DMXL1: variants seen among roughly 807,000 people sequenced by gnomAD.
The protein encoded by DMXL1 is dmX-like protein 1.
In DMXL1, 99 loss-of-function variants were observed where a neutral mutation model predicts 319.2. That is an observed-to-expected ratio of 0.31 (90% CI 0.26 to 0.37). The LOEUF (loss-of-function observed/expected upper bound fraction) is 0.37, where lower values mean the gene tolerates loss of function less well. DMXL1 is among the 10% of genes least tolerant of loss of function. DMXL1 has a pLI of 1.00. For synonymous variants in DMXL1, 1,385 were observed against 1,235.2 expected (o/e 1.12, Z -2.54); for missense variants, 3,745 against 3,595.6 (o/e 1.04, Z -1.06).
At chr5:119,152,141 T>C (rs1769941413) in intron 19 of DMXL1, 105 bp downstream of exon 19, 2 of 665,178 alleles carry the variant, frequency 3.0e-6, no homozygotes, top group Non-Finnish European at 5.1e-6. Context: ...TGATGACATA[T>C]TTAACATATT....
At chr5:119,116,060 A>T in intron 6 of DMXL1, 98 bp from the exon 7 acceptor site, 1 of 1,133,770 alleles carries the variant, frequency 8.8e-7, no homozygotes. Flanking sequence ...CCCATCCCCA[A>T]GTTCTTGCCA....
intron 19 of DMXL1, among the ~76,000 whole-genome samples, chr5:119,160,730 A>G (rs1431953127): frequency 3.3e-5 from 5 of 152,114 alleles, no homozygotes; most frequent in Non-Finnish European, 5.9e-5. Context: ...AATTATTAAT[A>G]TCCTCTGGAT....
At chr5:119,232,544 T>C (rs1264194661) in intron 38 of DMXL1, among the ~76,000 whole-genome samples, 3 of 152,178 alleles carry the variant, frequency 2.0e-5, no homozygotes, top group Admixed American at 6.6e-5. Flanking sequence ...CTCACAACTG[T>C]CCAGTGACTT....
chr5:119,140,072 A>G (rs750568372), intron 13 of DMXL1, among the ~76,000 whole-genome samples: 5 of 152,318 alleles, frequency 3.3e-5, no homozygotes, highest in Admixed American at 1.3e-4. Flanking sequence ...TCTGAAAGTA[A>G]TGGGAATAAA....
intron 13 of DMXL1, among the ~76,000 whole-genome samples, chr5:119,134,947 C>T (rs368521955): frequency 6.6e-6 from 1 of 152,196 alleles, no homozygotes; most frequent in East Asian, 1.9e-4. Context: ...CTTTTGGTAT[C>T]CCCAGAGGCA....
In DMXL1 at chr5:119,133,639, C is replaced by T. The variant is rs1580922263; in HGVS notation, c.1715C>T (p.Ser572Phe). ...CAAAAACCTTCTGGCCTCACCCGTTCCACATCAATGCTTATTTCTTCTGGT... is the reference window on the plus strand; with the variant it reads ...CAAAAACCTTCTGGCCTCACCCGTTTCACATCAATGCTTATTTCTTCTGGT... ...GKQKPSGLTR[S>F]TSMLISSGHN... The change falls in exon 12 of 44, where the codon TCC (serine) becomes TTC (phenylalanine). Residue 572 changes from serine (S) to phenylalanine (F), a missense_variant. By Grantham distance (155) the Ser-to-Phe change is radical (BLOSUM62 -2). Around this residue, in one of 4 missense-constraint regions of DMXL1, gnomAD observed 2,096 missense variants for 1,985.4 expected, o/e 1.06. Coordinates refer to ENST00000539542, the MANE Select transcript of DMXL1 (RefSeq NM_001290321.3). The T allele has an allele frequency of 6.2e-7, 1 of 1,614,154 alleles. No homozygotes were observed.
intron 42 of DMXL1, among the ~76,000 whole-genome samples, chr5:119,242,586 C>A (rs1333244915): frequency 6.6e-6 from 1 of 152,150 alleles, no homozygotes; most frequent in African/African-American, 2.4e-5. Flanking sequence ...TTCCAGCATG[C>A]TACTTTGCAG....
In DMXL1 at chr5:119,197,868, G is replaced by A. The variant is rs763473560; in HGVS notation, c.7657G>A (p.Ala2553Thr). ...TGGTGGGCCACCTCAAAATTATATC[G>A]CAAGTCATACCGCCGAAGAGAGTTT... ...IHGGPPQNYI[A>T]SHTAEESLSA... is the part of the protein sequence containing the mutation. The change falls in exon 32 of 44, where the codon GCA (alanine) becomes ACA (threonine). Residue 2553 changes from alanine to threonine, a missense_variant. Physicochemically the swap from Ala to Thr is moderately conservative, Grantham distance 58 (BLOSUM62 0). Coordinates refer to ENST00000539542, the MANE Select transcript of DMXL1 (RefSeq NM_001290321.3). The A allele has an allele frequency of 6.8e-6, 11 of 1,613,974 alleles. No individual in the cohort carries two copies. The highest frequency in any genetic ancestry group is 2.2e-5 in the East Asian group (1 of 44,896).
intron 32 of DMXL1, among the ~76,000 whole-genome samples, chr5:119,198,274 C>G (rs925186548): frequency 6.6e-6 from 1 of 152,214 alleles, no homozygotes; most frequent in African/African-American, 2.4e-5. Flanking sequence ...CAGGCGTGAG[C>G]CACCGCACCT....
intron 19 of DMXL1, among the ~76,000 whole-genome samples, chr5:119,163,003 T>C (rs926488576): frequency 2.4e-4 from 36 of 152,174 alleles, no homozygotes; most frequent in Admixed American, 2.2e-3. Flanking sequence ...TACCTAGTAA[T>C]GCTAAACAAA....
chr5:119,104,268 A>G (rs1385001445), intron 3 of DMXL1: 1 of 152,102 alleles, frequency 6.6e-6, no homozygotes, highest in East Asian at 1.9e-4. Flanking sequence ...TGTTCTAGAG[A>G]GGGTTCTGGT....
rs35682583 is a variant in DMXL1 at position 119,131,003 on chromosome 5, C to CTT, written c.1315+1593_1315+1594dup. Among the ~76,000 whole-genome samples, 4 of 142,322 alleles carry CTT rather than the reference C, an allele frequency of 2.8e-5. No homozygotes were observed. In the South Asian group the frequency reaches 6.6e-4, roughly 24 times the overall value. 93.4% of individuals were successfully genotyped at this position (142,322 alleles called of 152,430 possible). ...AACATTGGATGTTTTCATTATATTA[C>CTT]TTTTTTTTTTTTTTGCCAGTTGATA... On this transcript the variant is annotated intron_variant, in intron 10 of 43. Coordinates refer to ENST00000539542, the MANE Select transcript of DMXL1 (RefSeq NM_001290321.3).
At chr5:119,223,817 A>G (rs1785065330) in intron 37 of DMXL1, among the ~76,000 whole-genome samples, 1 of 152,196 alleles carries the variant, frequency 6.6e-6, no homozygotes, top group Non-Finnish European at 1.5e-5. Context: ...AGGAACCTTC[A>G]GGCATTTCTT....
chr5:119,163,811 G>A (rs1581103193), intron 19 of DMXL1, among the ~76,000 whole-genome samples: 3 of 152,190 alleles, frequency 2.0e-5, no homozygotes, highest in Middle Eastern at 3.4e-3. Flanking sequence ...TCCTGACCTC[G>A]TGATCCGCCC....
In DMXL1 at chr5:119,147,251, GA is replaced by G; in HGVS notation, c.2697del (p.Val900Ter). On this transcript the variant is annotated frameshift_variant, in exon 17 of 44. Coordinates refer to ENST00000539542, the MANE Select transcript of DMXL1 (RefSeq NM_001290321.3). LOFTEE classifies it high-confidence loss of function. ...HLKSIPVSLD[E>X]KVDTKLSEAV... is the part of the protein sequence containing the mutation. The stretch of plus-strand genomic sequence containing the variant: ...GGTTCTTTTCTTATGTTTTGTAGAT[GA>G]AAAAGTAGATACAAAATTATCCGAA... 1 of 1,610,820 alleles carries G rather than the reference GA, an allele frequency of 6.2e-7. No individual in the cohort carries two copies. The highest frequency in any genetic ancestry group is 8.5e-7 in the Non-Finnish European group (1 of 1,177,932).
At position 119,133,578 on chromosome 5, in the gene DMXL1, A is replaced by G; in HGVS notation, c.1654A>G (p.Thr552Ala). 1 of 1,614,186 alleles carries G rather than the reference A, an allele frequency of 6.2e-7. No homozygotes were observed. The highest frequency in any genetic ancestry group is 8.5e-7 in the Non-Finnish European group (1 of 1,180,024). ...LCKSIMMYAC[T>A]KNVDLAIQQG... ...TAAAAGCATAATGATGTATGCCTGT[A>G]CCAAGAATGTTGACTTGGCTATTCA... Residue 552 changes from threonine (T) to alanine (A), a missense_variant, in exon 12 of 44, where the codon ACC (threonine) becomes GCC (alanine). Thr to Ala is a moderately conservative substitution (Grantham distance 58, BLOSUM62 0). Transcript: ENST00000539542.
Position 119,149,487 on chromosome 5 carries a change from G to A in DMXL1, c.3660G>A (p.Ser1220=), listed in dbSNP as rs765122441. The A allele has an allele frequency of 4.3e-6, 7 of 1,613,862 alleles. No individual in the cohort carries two copies. In the African/African-American group the frequency reaches 5.3e-5, roughly 12 times the overall value. ...DGSPPFPVSL[S]WVRDGILVVG... The stretch of plus-strand genomic sequence containing the variant: ...CCCCACCTTTTCCTGTTTCTTTATC[G>A]TGGGTCCGGGATGGCATCCTTGTGG... Residue 1220 remains serine (S), a synonymous_variant, in exon 18 of 44, where the codon TCG becomes TCA. Transcript: ENST00000539542.
chr5:119,092,734 T>C (rs1278567025), intron 1 of DMXL1, among the ~76,000 whole-genome samples: 1 of 152,198 alleles, frequency 6.6e-6, no homozygotes, highest in Non-Finnish European at 1.5e-5. Context: ...ACTGCCTTAC[T>C]GACTCTATGG....
chr5:119,120,476 A>C (rs1761803696), intron 8 of DMXL1, among the ~76,000 whole-genome samples: 1 of 152,234 alleles, frequency 6.6e-6, no homozygotes, highest in Non-Finnish European at 1.5e-5. Context: ...TGGGAATAAC[A>C]ATATTTGCAC....
Sources: gnomAD v4.1 joint callset for allele counts (sites outside exome capture counted in the v4.1 genomes callset) on GRCh38, gnomAD v4.1.1 for gene constraint, gnomAD v4.1.1 regional missense constraint, MANE v1.5 for transcripts, NCBI Gene and HGNC (gene_info 2026-07-23, HGNC 2026-07-21) for gene names.